TMEM132E: variants seen among roughly 807,000 people sequenced by gnomAD.
TMEM132E encodes transmembrane protein 132E.
Under a neutral mutation model 78.5 loss-of-function variants are expected in TMEM132E, and 49 were observed. That is an observed-to-expected ratio of 0.62 (90% CI 0.50 to 0.79). TMEM132E has a LOEUF of 0.79. Among genes scored for constraint, TMEM132E ranks in the 30% least tolerant of loss-of-function variants. The probability of loss-of-function intolerance (pLI) is 0.00; values close to 1 mark genes in which losing one functional copy is unlikely to be tolerated. For missense variants in TMEM132E, 1,403 were observed against 1,470.9 expected (o/e 0.95, Z 0.75); for synonymous variants, 715 against 670.6 (o/e 1.07, Z -1.02).
In TMEM132E at chr17:34,581,199, G is replaced by A. The variant is rs558636685; in HGVS notation, c.67+56G>A. 35 of 1,435,362 alleles carry A rather than the reference G, an allele frequency of 2.4e-5. No individual in the cohort carries two copies. In the Middle Eastern group the frequency reaches 9.1e-4, roughly 37 times the overall value. The allele number at this position is 1,435,362 out of a possible 1,614,324, so 88.9% of individuals were successfully genotyped here. A position where few individuals can be genotyped will look rare whatever the true frequency, so the allele number is the denominator to read the frequency against. ...GATGCGGCAGGCGCCACTGGAGGGG[G>A]TACGGGGAAGACTGGGGAGAGGAGC... is the stretch of plus-strand genomic sequence containing the variant. On this transcript the variant is annotated intron_variant, in intron 1 of 8. Transcript: ENST00000631683.
intron 7 of TMEM132E, chr17:34,635,770 C>T (rs1907498120): frequency 2.6e-6 from 1 of 391,220 alleles, no homozygotes; most frequent in Non-Finnish European, 4.5e-6. Context: ...TAGAATTGGC[C>T]CACCTCTCTC....
rs954814364 is a variant in TMEM132E at position 34,580,536 on chromosome 17, T to G, written c.-541T>G. The G allele has an allele frequency of 6.6e-6, 1 of 152,578 alleles. No homozygotes were observed. Among genetic ancestry groups the G allele is most frequent in the African/African-American group, 2.4e-5 (1 of 41,496 alleles). The allele number at this position is 152,578 out of a possible 1,614,324, so 9.5% of individuals were successfully genotyped here. ...GATTAAAGTTGTCTGGATTTTCTCT[T>G]TCTTTGAGAAAGACAGCATTCATTT... On this transcript the variant is annotated 5_prime_UTR_variant, in exon 1 of 9. Coordinates refer to ENST00000631683, the MANE Select transcript of TMEM132E (RefSeq NM_001304438.2).
intron 1 of TMEM132E, 26 bp from the exon 2 acceptor site, chr17:34,626,101 G>C (rs1383716764): frequency 1.2e-5 from 18 of 1,479,146 alleles, no homozygotes; most frequent in Non-Finnish European, 1.5e-5. Flanking sequence ...GACCACCCTG[G>C]GCCTCTTTCC....
At chr17:34,623,799 G>A (rs1168157265) in intron 1 of TMEM132E, among the ~76,000 whole-genome samples, 4 of 152,176 alleles carry the variant, frequency 2.6e-5, no homozygotes, top group African/African-American at 7.2e-5. Context: ...GGGTCCAAAT[G>A]TGGACCCTGC....
At chr17:34,613,541 A>C (rs1906682714) in intron 1 of TMEM132E, among the ~76,000 whole-genome samples, 1 of 151,520 alleles carries the variant, frequency 6.6e-6, no homozygotes, top group African/African-American at 2.4e-5. Context: ...CCCTGACTCC[A>C]GGATAGGGTT....
intron 1 of TMEM132E, among the ~76,000 whole-genome samples, chr17:34,582,876 A>G (rs970466216): frequency 1.3e-5 from 2 of 152,078 alleles, no homozygotes; most frequent in African/African-American, 4.8e-5. Flanking sequence ...AAGCCCAACC[A>G]TGGCGTCACC....
Position 34,626,163 on chromosome 17 carries a change from C to A in TMEM132E, c.104C>A (p.Pro35Gln), listed in dbSNP as rs764581147. 1.3e-6 allele frequency: 2 copies of A among 1,551,582 alleles called. No homozygotes were observed. Among genetic ancestry groups the A allele is most frequent in the Non-Finnish European group, 1.7e-6 (2 of 1,150,314 alleles). ...GRSHPASPSP[P>Q]GPQASPVLPV... ...TCCCACCCGGCCAGCCCCAGCCCGC[C>A]GGGGCCGCAGGCCAGCCCGGTGCTG... The change falls in exon 2 of 9, where the codon CCG (proline) becomes CAG (glutamine). Residue 35 changes from proline (P) to glutamine (Q), a missense_variant. Pro to Gln is a moderately conservative substitution (Grantham distance 76). Transcript: ENST00000631683.
At position 34,581,130 on chromosome 17, in the gene TMEM132E, G is replaced by C. The variant is rs1905460170; in HGVS notation, c.54G>C (p.Ala18=). The C allele has an allele frequency of 6.6e-7, 1 of 1,523,618 alleles. No homozygotes were observed. The highest frequency in any genetic ancestry group is 1.4e-5 in the African/African-American group (1 of 70,680). The allele number at this position is 1,523,618 out of a possible 1,614,324, so 94.4% of individuals were successfully genotyped here. ...RGGAALLCLS[A]LLAHASGRSH... ...GCGCCGCCCTGCTCTGCCTCTCAGC[G>C]CTACTCGCCCACGGTAAGTGTCGCG... Residue 18 remains alanine, a synonymous_variant, in exon 1 of 9, where the codon GCG becomes GCC. Coordinates refer to ENST00000631683, the MANE Select transcript of TMEM132E (RefSeq NM_001304438.2).
intron 1 of TMEM132E, among the ~76,000 whole-genome samples, chr17:34,612,928 C>G (rs1365936421): frequency 6.6e-6 from 1 of 152,076 alleles, no homozygotes; most frequent in Non-Finnish European, 1.5e-5. Flanking sequence ...TGGGGTGACA[C>G]TCAGCCAGTA....
intron 1 of TMEM132E, among the ~76,000 whole-genome samples, chr17:34,586,504 G>T (rs567869199): frequency 2.2e-4 from 34 of 152,064 alleles, no homozygotes; most frequent in African/African-American, 8.0e-4. Flanking sequence ...CCAGAGAAAG[G>T]GGGGACTGAG....
rs746624157 is a variant in TMEM132E at position 34,626,995 on chromosome 17, C to T, written c.936C>T (p.Leu312=). 8.1e-6 allele frequency: 13 copies of T among 1,613,798 alleles called. No homozygotes were observed. The South Asian group carries it at 1.2e-4, about 15-fold the overall frequency. ...PLKPGEVLSI[L]LYLAPNSSSP... The stretch of plus-strand genomic sequence containing the variant: ...AGCCCGGGGAAGTGCTCAGCATCCT[C>T]CTCTATCTGGCCCCCAACTCCTCCT... The change falls in exon 2 of 9, where the codon CTC becomes CTT. Residue 312 remains leucine, a synonymous_variant. Transcript: ENST00000631683.
intron 1 of TMEM132E, among the ~76,000 whole-genome samples, chr17:34,620,116 G>T (rs1282560773): frequency 6.6e-6 from 1 of 152,158 alleles, no homozygotes; most frequent in African/African-American, 2.4e-5. Flanking sequence ...CCCCTAGCCT[G>T]CCCGGCCCTA....
intron 5 of TMEM132E, among the ~76,000 whole-genome samples, chr17:34,631,432 C>T (rs542369695): frequency 1.6e-4 from 24 of 152,298 alleles, no homozygotes; most frequent in Admixed American, 7.2e-4. Context: ...CACCCAGACT[C>T]CCCCATCCCA....
intron 5 of TMEM132E, among the ~76,000 whole-genome samples, chr17:34,631,100 C>G (rs758401951): frequency 2.1e-4 from 32 of 152,190 alleles, no homozygotes; most frequent in African/African-American, 2.4e-5. Flanking sequence ...GTAAATAATT[C>G]AGCTTGAAGG....
intron 1 of TMEM132E, among the ~76,000 whole-genome samples, chr17:34,599,017 A>T (rs1402817340): frequency 6.6e-6 from 1 of 152,210 alleles, no homozygotes; most frequent in East Asian, 1.9e-4. Flanking sequence ...ATAGGAGCTG[A>T]CCTGAGTCCA....
chr17:34,626,310 C>T lies in TMEM132E; in HGVS notation c.251C>T (p.Thr84Ile), dbSNP rs971008822. 43 of 1,611,816 alleles carry T rather than the reference C, an allele frequency of 2.7e-5. No individual in the cohort carries two copies. The highest frequency in any genetic ancestry group is 3.1e-5 in the Non-Finnish European group (36 of 1,179,248). Residue 84 changes from threonine (T) to isoleucine (I), a missense_variant, in exon 2 of 9, where the codon ACC becomes ATC. By Grantham distance (89) the Thr-to-Ile change is moderately conservative. Around this residue, in one of 3 missense-constraint regions of TMEM132E, gnomAD observed 511 missense variants for 499.0 expected, o/e 1.02. Coordinates refer to ENST00000631683, the MANE Select transcript of TMEM132E (RefSeq NM_001304438.2). ...QRSEPFVVFQ[T>I]KELPVLNVSL... ...TCCGAGCCCTTCGTGGTGTTCCAGA[C>T]CAAGGAGCTGCCGGTCCTCAACGTC...
At chr17:34,602,488 G>A (rs1906276135) in intron 1 of TMEM132E, among the ~76,000 whole-genome samples, 1 of 152,234 alleles carries the variant, frequency 6.6e-6, no homozygotes, top group Admixed American at 6.5e-5. Flanking sequence ...CCAGGGTGGA[G>A]GAGGAGGCTT....
intron 1 of TMEM132E, among the ~76,000 whole-genome samples, chr17:34,609,639 G>A (rs1906525148): frequency 6.6e-6 from 1 of 152,130 alleles, no homozygotes; most frequent in Non-Finnish European, 1.5e-5. Context: ...ACCACCTTGT[G>A]GTCTCATTCC....
Position 34,580,827 on chromosome 17 carries a change from A to G in TMEM132E, c.-250A>G. The G allele has an allele frequency of 2.3e-6, 1 of 433,126 alleles. No individual in the cohort carries two copies. The allele number at this position is 433,126 out of a possible 1,614,324, so 26.8% of individuals were successfully genotyped here. A position where few individuals can be genotyped will look rare whatever the true frequency, so the allele number is the denominator to read the frequency against. On this transcript the variant is annotated 5_prime_UTR_variant, in exon 1 of 9. Coordinates refer to ENST00000631683, the MANE Select transcript of TMEM132E (RefSeq NM_001304438.2). ...GCGCCTCGCAGATCCTGCAGGGGGC[A>G]CCAGCTGGGGGAGGTGGAGGCTCCT...
Sources: gnomAD v4.1 joint callset for allele counts (sites outside exome capture counted in the v4.1 genomes callset) on GRCh38, gnomAD v4.1.1 for gene constraint, gnomAD v4.1.1 regional missense constraint, MANE v1.5 for transcripts, NCBI Gene and HGNC (gene_info 2026-07-23, HGNC 2026-07-21) for gene names.